The following NKIRAS1 variants were observed in gnomAD, a reference collection of about 807,000 sequenced individuals.
NKIRAS1 encodes the protein NF-kappa-B inhibitor-interacting Ras-like protein 1.
NKIRAS1 carries 16 observed loss-of-function variants against 19.8 expected under a neutral mutation model. The ratio of observed to expected loss-of-function variants is 0.81; its 90% CI spans 0.55 to 1.23. NKIRAS1 has a LOEUF of 1.23. NKIRAS1 is among the 50% of genes most tolerant of loss of function. NKIRAS1 has a pLI of 0.00. For synonymous variants in NKIRAS1, 88 were observed against 79.0 expected (o/e 1.11, Z -0.61); for missense variants, 184 against 220.0 (o/e 0.84, Z 1.04).
intron 1 of NKIRAS1, 145 bp downstream of exon 1, chr3:23,916,639 G>C (rs1704507670): frequency 6.6e-6 from 1 of 152,502 alleles, no homozygotes; most frequent in Admixed American, 6.5e-5. Flanking sequence ...GGGAGGCTGG[G>C]GAAGCGTCGG....
chr3:23,892,460 G>A lies in NKIRAS1; in HGVS notation c.*635C>T, dbSNP rs1701539938. 6.6e-6 allele frequency: 1 copy of A among 152,054 alleles called. No individual in the cohort carries two copies. The highest frequency in any genetic ancestry group is 2.1e-4 in the South Asian group (1 of 4,830). The allele number at this position is 152,054 out of a possible 1,614,324, so 9.4% of individuals were successfully genotyped here. Reference sequence around the variant, plus strand: ...GTCTATCAACAGGGGTCTGGCTAAGGAAAAAACGGCCTTAGAGCGTGATGA... The same window carrying A: ...GTCTATCAACAGGGGTCTGGCTAAGAAAAAAACGGCCTTAGAGCGTGATGA... On this transcript the variant is annotated 3_prime_UTR_variant, in exon 5 of 5. Coordinates refer to ENST00000425478, the MANE Select transcript of NKIRAS1 (RefSeq NM_020345.4).
chr3:23,911,065 C>G (rs1318052789), intron 2 of NKIRAS1, 144 bp from the exon 3 acceptor site: 4 of 633,306 alleles, frequency 6.3e-6, no homozygotes, highest in Admixed American at 5.7e-5. Context: ...TAAGGTATAG[C>G]CTTCCAAACC....
In NKIRAS1 at chr3:23,910,894, C is replaced by T; in HGVS notation, c.11G>A (p.Gly4Asp). Residue 4 changes from glycine (G) to aspartate (D), a missense_variant, in exon 3 of 5, where the codon GGC (glycine) becomes GAC (aspartate). Gly to Asp is a moderately conservative substitution (Grantham distance 94). Coordinates refer to ENST00000425478, the MANE Select transcript of NKIRAS1 (RefSeq NM_020345.4). Reference sequence around the variant, plus strand: ...CAATCCACAAACCACAACCTTGCAGCCCTTTCCCATCTTCTCTCAGGATAT... The same window carrying T: ...CAATCCACAAACCACAACCTTGCAGTCCTTTCCCATCTTCTCTCAGGATAT... MGK[G>D]CKVVVCGLLS... The T allele has an allele frequency of 6.2e-7, 1 of 1,614,080 alleles. No homozygotes were observed. The highest frequency in any genetic ancestry group is 1.1e-5 in the South Asian group (1 of 91,086).
chr3:23,912,350 A>C (rs1362495137), intron 1 of NKIRAS1, among the ~76,000 whole-genome samples: 2 of 152,106 alleles, frequency 1.3e-5, no homozygotes, highest in Admixed American at 1.3e-4. Context: ...ATAAGAAAAA[A>C]ACAAACAACC....
intron 3 of NKIRAS1, among the ~76,000 whole-genome samples, chr3:23,910,158 T>A (rs1167793467): frequency 2.7e-5 from 3 of 112,912 alleles, no homozygotes; most frequent in African/African-American, 7.8e-5. Context: ...CGCTCGGCCT[T>A]TTTTTTTTTT....
intron 3 of NKIRAS1, among the ~76,000 whole-genome samples, chr3:23,903,297 T>C (rs778905121): frequency 6.6e-6 from 1 of 152,154 alleles, no homozygotes; most frequent in Non-Finnish European, 1.5e-5. Context: ...TATTTTTTTG[T>C]ATAGATGGGG....
At chr3:23,937,758 A>G (rs1451559254) in intron 1 of NKIRAS1, among the ~76,000 whole-genome samples, 1 of 152,180 alleles carries the variant, frequency 6.6e-6, no homozygotes, top group East Asian at 1.9e-4. Flanking sequence ...AAAAAATTCA[A>G]CTAGGGTTTC....
intron 3 of NKIRAS1, 77 bp from the exon 4 acceptor site, chr3:23,901,126 T>C (rs532284662): frequency 2.0e-5 from 30 of 1,511,022 alleles, no homozygotes; most frequent in Admixed American, 8.5e-5. Context: ...CCTTTAGAAA[T>C]TGGCTTTCTA....
chr3:23,901,041 C>G lies in NKIRAS1; in HGVS notation c.103G>C (p.Asp35His). The change falls in exon 4 of 5, where the codon GAT becomes CAT. Residue 35 changes from aspartate (D) to histidine (H), a missense_variant. Transcript: ENST00000425478. Reference sequence around the variant, plus strand: ...TATACATCTTCCATTGTTTCGCAATCTTCCATTCCTGGGATTAAGAAAACA... The same window carrying G: ...TATACATCTTCCATTGTTTCGCAATGTTCCATTCCTGGGATTAAGAAAACA... ...LYGNHTIGME[D>H]CETMEDVYMA... 6.2e-7 allele frequency: 1 copy of G among 1,613,420 alleles called. No individual in the cohort carries two copies. Among genetic ancestry groups the G allele is most frequent in the Non-Finnish European group, 8.5e-7 (1 of 1,179,424 alleles).
At position 23,891,246 on chromosome 3, in the gene NKIRAS1, A is replaced by C. The variant is rs1701437206; in HGVS notation, c.*1849T>G. The C allele has an allele frequency of 2.6e-5, 4 of 152,374 alleles. No homozygotes were observed. The South Asian group carries it at 8.3e-4, about 32-fold the overall frequency. 9.4% of individuals were successfully genotyped at this position (152,374 alleles called of 1,614,324 possible). ...AGGAGTTGCTCAGTGGATTGGTTCT[A>C]TGTTGTGGACTACTTAAGTCTGCAT... On this transcript the variant is annotated 3_prime_UTR_variant, in exon 5 of 5. Coordinates refer to ENST00000425478, the MANE Select transcript of NKIRAS1 (RefSeq NM_020345.4).
chr3:23,913,338 G>C (rs1703971513), intron 1 of NKIRAS1, among the ~76,000 whole-genome samples: 1 of 152,094 alleles, frequency 6.6e-6, no homozygotes, highest in Non-Finnish European at 1.5e-5. Context: ...AGAGATGACA[G>C]AACAGACCTC....
In NKIRAS1 at chr3:23,944,036, A is replaced by T. The variant is rs112522158; in HGVS notation, c.-140+2287T>A. Among the ~76,000 whole-genome samples, 1,236 of 152,356 alleles carry T rather than the reference A, an allele frequency of 8.1e-3. 13 individuals carry two copies. The highest frequency in any genetic ancestry group is 0.028 in the African/African-American group (1,165 of 41,572). On this transcript the variant is annotated intron_variant, in intron 1 of 4. Transcript: ENST00000421515. ...GAAGCACTCTCCTAGTTAGGGAACCAGAGCAGTAGCTGAGGCAAGAGATAA... is the reference window on the plus strand; with the variant it reads ...GAAGCACTCTCCTAGTTAGGGAACCTGAGCAGTAGCTGAGGCAAGAGATAA...
upstream of NKIRAS1, chr3:23,920,630 T>C (rs867169995): frequency 5.2e-5 from 51 of 984,786 alleles, no homozygotes; most frequent in Middle Eastern, 5.2e-4. Context: ...CTTTGCTGAC[T>C]TAATTTAAAT....
Position 23,901,004 on chromosome 3 carries a change from A to G in NKIRAS1, c.140T>C (p.Val47Ala). The G allele has an allele frequency of 6.2e-7, 1 of 1,614,094 alleles. No homozygotes were observed. The highest frequency in any genetic ancestry group is 8.5e-7 in the Non-Finnish European group (1 of 1,179,996). ...TTCTTTTACTCCTCGGTCTGTTTCT[A>G]CTGAAGCCATGTATACATCTTCCAT... ...ETMEDVYMAS[V>A]ETDRGVKEQL... Residue 47 changes from valine to alanine, a missense_variant, in exon 4 of 5, where the codon GTA becomes GCA. Physicochemically the swap from Val to Ala is moderately conservative, Grantham distance 64. Coordinates refer to ENST00000425478, the MANE Select transcript of NKIRAS1 (RefSeq NM_020345.4).
chr3:23,945,702 G>T, intron 1 of NKIRAS1: 2 of 710,772 alleles, frequency 2.8e-6, no homozygotes, highest in South Asian at 6.6e-5. Context: ...CGGTGGGGCG[G>T]GGTGGGCTGC....
chr3:23,932,816 C>T (rs1411594648), intron 1 of NKIRAS1, among the ~76,000 whole-genome samples: 1 of 152,090 alleles, frequency 6.6e-6, no homozygotes, highest in African/African-American at 2.4e-5. Context: ...CTTCCTCTTC[C>T]TCCAAAATCT....
intron 3 of NKIRAS1, among the ~76,000 whole-genome samples, chr3:23,902,872 G>A (rs866466829): frequency 7.2e-5 from 11 of 152,156 alleles, no homozygotes; most frequent in African/African-American, 1.9e-4. Context: ...ACATGCCTGC[G>A]CACACACACA....
chr3:23,934,168 A>C (rs1029773351), intron 1 of NKIRAS1, among the ~76,000 whole-genome samples: 1 of 152,176 alleles, frequency 6.6e-6, no homozygotes, highest in Non-Finnish European at 1.5e-5. Context: ...AAATGGGGGA[A>C]GGTTTGTCTG....
At chr3:23,945,581 G>A (rs1443906571) in intron 1 of NKIRAS1, 1 of 1,175,632 alleles carries the variant, frequency 8.5e-7, no homozygotes, top group Non-Finnish European at 1.1e-6. Flanking sequence ...AGGGCACCAT[G>A]GAGGTGAATG....
Sources: gnomAD v4.1 joint callset for allele counts (sites outside exome capture counted in the v4.1 genomes callset) on GRCh38, gnomAD v4.1.1 for gene constraint, MANE v1.5 for transcripts, NCBI Gene and HGNC (gene_info 2026-07-23, HGNC 2026-07-21) for gene names.